The following PXN variants were observed in gnomAD, a reference collection of about 807,000 sequenced individuals.
PXN encodes the protein testicular tissue protein Li 134.
PXN carries 61 observed loss-of-function variants against 103.6 expected under a neutral mutation model. The observed-to-expected ratio is 0.59, with a 90% CI of 0.48 to 0.73. The LOEUF (loss-of-function observed/expected upper bound fraction) is 0.73, where lower values mean the gene tolerates loss of function less well. Ranked by LOEUF, PXN falls within the 30% of genes least tolerant of loss-of-function variation. The pLI is 0.00. For synonymous variants in PXN, 562 were observed against 607.8 expected (o/e 0.92, Z 1.11); for missense variants, 1,274 against 1,460.3 (o/e 0.87, Z 2.08).
Position 120,224,353 on chromosome 12 carries a change from G to T in PXN, c.38C>A (p.Ser13Tyr). 10 of 1,613,968 alleles carry T rather than the reference G, an allele frequency of 6.2e-6. No individual in the cohort carries two copies. The highest frequency in any genetic ancestry group is 7.6e-6 in the Non-Finnish European group (9 of 1,179,880). The change falls in exon 2 of 15, where the codon TCT becomes TAT. Residue 13 changes from serine to tyrosine, a missense_variant. This residue lies in a region of PXN where 1,178 missense variants were observed against 1,309.0 expected (regional missense o/e 0.90). Coordinates refer to ENST00000637617, the MANE Select transcript of PXN (RefSeq NM_001385981.1). This position sits in a 1 kb window ranked among gnomAD's most constrained non-coding sequence, Gnocchi z 5.0. ...CCGTTTGGAGATGTGGGAGGTGGTA[G>T]ACTCCAAGTCCGCCAGCAGGGCGTC... ...DLDALLADLE[S>Y]TTSHISKRPV...
In PXN at chr12:120,229,350, G is replaced by A. The variant is rs554696631; in HGVS notation, c.14-4973C>T. On this transcript the variant is annotated intron_variant, in intron 1 of 14. Transcript: ENST00000637617. This position sits in a 1 kb window ranked among gnomAD's most constrained non-coding sequence, Gnocchi z 4.0. ...CTTAGTGTGTGATAAAGACTATCAA[G>A]ACCAGAGGCCTGGAGCTGGACAGGT... is the stretch of plus-strand genomic sequence containing the variant. 1.1e-4 allele frequency among the ~76,000 whole-genome samples: 16 copies of A among 152,300 alleles called. No individual in the cohort carries two copies. In the South Asian group the frequency reaches 3.1e-3, roughly 30 times the overall value.
At position 120,216,501 on chromosome 12, in the gene PXN, C is replaced by T; in HGVS notation, c.2073G>A (p.Gln691=). Residue 691 remains glutamine (Q), a synonymous_variant, in exon 9 of 15, where the codon CAG becomes CAA. Transcript: ENST00000637617. This position sits in a 1 kb window ranked among gnomAD's most constrained non-coding sequence, Gnocchi z 5.1. ...TGCTGGCCGCGGCGTCTGTGCGATG[C>T]TGGAGCAAAGGGACAGAAGGAGAAG... ...VLASPSVPLL[Q]HRTDAAASSS... is the part of the protein sequence containing the mutation. The T allele has an allele frequency of 7.2e-7, 1 of 1,394,986 alleles. No homozygotes were observed. 86.4% of individuals were successfully genotyped at this position (1,394,986 alleles called of 1,614,324 possible). A position where few individuals can be genotyped will look rare whatever the true frequency, so the allele number is the denominator to read the frequency against.
At chr12:120,226,587 C>G in intron 1 of PXN, 1 of 1,194,550 alleles carries the variant, frequency 8.4e-7, no homozygotes, top group Admixed American at 3.4e-5. Context: ...GATTCTAAGC[C>G]TGGGCTTTTG....
chr12:120,257,013 G>A (rs1489812703), intron 1 of PXN, among the ~76,000 whole-genome samples: 5 of 152,154 alleles, frequency 3.3e-5, no homozygotes, highest in African/African-American at 4.8e-5. Context: ...GAGCCACCGC[G>A]CCTGGCCTCA....
rs899401819 is a variant in PXN, at chr12:120,211,795, A to G, written c.*519T>C. On this transcript the variant is annotated 3_prime_UTR_variant, in exon 15 of 15. Coordinates refer to ENST00000637617, the MANE Select transcript of PXN (RefSeq NM_001385981.1). ...GTAGGAGGAGCACAGAGAACCTTCC[A>G]TGGCCCCTTTGGTTCTCTGCCTTTG... The G allele has an allele frequency of 1.2e-5, 5 of 413,760 alleles. No individual in the cohort carries two copies. Among genetic ancestry groups the G allele is most frequent in the African/African-American group, 2.0e-5 (1 of 48,788 alleles). The allele number at this position is 413,760 out of a possible 1,614,324, so 25.6% of individuals were successfully genotyped here.
rs1885653347 is a variant in PXN, at chr12:120,222,979, G to A, written c.377C>T (p.Ser126Leu). ...CATTACGGTGGGTGAAGGCTCAGCT[G>A]ATTTCTGCTTGTTGGGGAAGCTTTG... ...HVYSFPNKQK[S>L]AEPSPTVMST... is the part of the protein sequence containing the mutation. The change falls in exon 4 of 15, where the codon TCA becomes TTA. Residue 126 changes from serine to leucine, a missense_variant. Ser to Leu is a moderately radical substitution (Grantham distance 145). This residue lies in a region of PXN where 1,178 missense variants were observed against 1,309.0 expected (regional missense o/e 0.90). Coordinates refer to ENST00000637617, the MANE Select transcript of PXN (RefSeq NM_001385981.1). This position sits in a 1 kb window ranked among gnomAD's most constrained non-coding sequence, Gnocchi z 4.7. The A allele has an allele frequency of 6.2e-7, 1 of 1,613,958 alleles. No individual in the cohort carries two copies.
At chr12:120,257,957 C>A (rs1151833) in intron 1 of PXN, among the ~76,000 whole-genome samples, 5,769 of 152,198 alleles carry the variant, frequency 0.038, 296 homozygotes, top group African/African-American at 0.11. Context: ...CTTTGGGAGG[C>A]CAAGGCGGGC....
Position 120,215,978 on chromosome 12 carries a change from C to T in PXN, c.2301+295G>A. 1.5e-6 allele frequency: 2 copies of T among 1,376,608 alleles called. No individual in the cohort carries two copies. Among genetic ancestry groups the T allele is most frequent in the Non-Finnish European group, 1.9e-6 (2 of 1,065,710 alleles). The allele number at this position is 1,376,608 out of a possible 1,614,324, so 85.3% of individuals were successfully genotyped here. On this transcript the variant is annotated intron_variant, in intron 9 of 14. Coordinates refer to ENST00000637617, the MANE Select transcript of PXN (RefSeq NM_001385981.1). This position sits in a 1 kb window ranked among gnomAD's most constrained non-coding sequence, Gnocchi z 4.9. ...AAGGGAGGAGACAGGTTTCTGGTCT[C>T]CCTTCTGGAGTGGCTTCTTTCCTCG...
chr12:120,236,042 TC>T (rs1285892549), intron 1 of PXN, among the ~76,000 whole-genome samples: 1 of 152,194 alleles, frequency 6.6e-6, no homozygotes, highest in East Asian at 1.9e-4. Context: ...GCATAGCTGT[TC>T]CCTTCAATGG....
At position 120,225,036 on chromosome 12, in the gene PXN, G is replaced by A. The variant is rs59603005; in HGVS notation, c.14-659C>T. 2,053 of 259,200 alleles carry A rather than the reference G, an allele frequency of 7.9e-3. 37 individuals carry two copies. The highest frequency in any genetic ancestry group is 0.043 in the African/African-American group (1,927 of 45,250). 16.1% of individuals were successfully genotyped at this position (259,200 alleles called of 1,614,324 possible). ...AGACTGCTCCATTGGCTGTTTCTGCGGAAGTCTGGCAAGCAGCCCGGCCCC... is the reference window on the plus strand; with the variant it reads ...AGACTGCTCCATTGGCTGTTTCTGCAGAAGTCTGGCAAGCAGCCCGGCCCC... On this transcript the variant is annotated intron_variant, in intron 1 of 14. Coordinates refer to ENST00000637617, the MANE Select transcript of PXN (RefSeq NM_001385981.1). This position sits in a 1 kb window ranked among gnomAD's most constrained non-coding sequence, Gnocchi z 4.4.
rs1292053961 is a variant in PXN, at chr12:120,214,161, CTG to C, written c.2803_2804del (p.Gln935ValfsTer53). ...CTTCGGGACCAAAGAAGGCTCCACA[CTG>C]TGCACAGAAGAAGTGTTCAGGGTGC... ...TWHPEHFFCA[Q>X]CGAFFGPEGF... On this transcript the variant is annotated frameshift_variant, in exon 13 of 15. Transcript: ENST00000637617. LOFTEE classifies it high-confidence loss of function. This position sits in a 1 kb window ranked among gnomAD's most constrained non-coding sequence, Gnocchi z 5.0. The C allele has an allele frequency of 1.9e-6, 3 of 1,552,352 alleles. No homozygotes were observed. The highest frequency in any genetic ancestry group is 1.4e-5 in the African/African-American group (1 of 73,080).
chr12:120,213,864 T>C lies in PXN; in HGVS notation c.2957A>G (p.His986Arg). The C allele has an allele frequency of 6.2e-7, 1 of 1,611,500 alleles. No homozygotes were observed. The highest frequency in any genetic ancestry group is 8.5e-7 in the Non-Finnish European group (1 of 1,178,858). The change falls in exon 14 of 15, where the codon CAT becomes CGT. Residue 986 changes from histidine to arginine, a missense_variant. By Grantham distance (29) the His-to-Arg change is conservative (BLOSUM62 0). Coordinates refer to ENST00000637617, the MANE Select transcript of PXN (RefSeq NM_001385981.1). The surrounding 1 kb of genome is among the most constrained non-coding windows in gnomAD (Gnocchi z 4.2). ...NYISALNTLWHPECFVCRECF... is the reference protein window; with the variant it reads ...NYISALNTLWRPECFVCRECF... ...TACCCGGCACACAAAGCACTCAGGATGCCACAGCGTGTTGAGGGCTGAGAT... is the reference window on the plus strand; with the variant it reads ...TACCCGGCACACAAAGCACTCAGGACGCCACAGCGTGTTGAGGGCTGAGAT...
chr12:120,238,072 T>G (rs1204720149), intron 1 of PXN, among the ~76,000 whole-genome samples: 2 of 152,110 alleles, frequency 1.3e-5, no homozygotes, highest in Non-Finnish European at 2.9e-5. Flanking sequence ...CATGGGGAAA[T>G]CTGCCTCTTC....
rs1886641760 is a variant in PXN, at chr12:120,225,528, G to T, written c.14-1151C>A. 1 of 152,448 alleles carries T rather than the reference G, an allele frequency of 6.6e-6. No individual in the cohort carries two copies. Among genetic ancestry groups the T allele is most frequent in the Non-Finnish European group, 1.5e-5 (1 of 68,240 alleles). 9.4% of individuals were successfully genotyped at this position (152,448 alleles called of 1,614,324 possible). ...CCTAATACCCCCTGTAGCTGGAAAT[G>T]ATTCTCCCCGAAGCGATGAGGAAAG... On this transcript the variant is annotated intron_variant, in intron 1 of 14. Coordinates refer to ENST00000637617, the MANE Select transcript of PXN (RefSeq NM_001385981.1). The surrounding 1 kb of genome is among the most constrained non-coding windows in gnomAD (Gnocchi z 4.4).
Position 120,222,977 on chromosome 12 carries a change from C to T in PXN, c.379G>A (p.Ala127Thr), listed in dbSNP as rs78768932. The change falls in exon 4 of 15, where the codon GCT (alanine) becomes ACT (threonine). Residue 127 changes from alanine to threonine, a missense_variant. Transcript: ENST00000637617. This position sits in a 1 kb window ranked among gnomAD's most constrained non-coding sequence, Gnocchi z 4.7. ...CTCATTACGGTGGGTGAAGGCTCAG[C>T]TGATTTCTGCTTGTTGGGGAAGCTT... The part of the protein sequence containing the change: ...VYSFPNKQKS[A>T]EPSPTVMSTS... The T allele has an allele frequency of 5.9e-3, 9,568 of 1,613,916 alleles. 36 individuals carry two copies. The highest frequency in any genetic ancestry group is 6.7e-3 in the Non-Finnish European group (7,891 of 1,179,886).
intron 1 of PXN, among the ~76,000 whole-genome samples, chr12:120,258,266 G>A (rs974434990): frequency 2.0e-5 from 3 of 151,614 alleles, no homozygotes; most frequent in Non-Finnish European, 4.4e-5. Context: ...ACCAGAGTTC[G>A]GCATCTCACA....
chr12:120,251,934 C>CTGAGA (rs1256034719), intron 1 of PXN, among the ~76,000 whole-genome samples: 1 of 152,236 alleles, frequency 6.6e-6, no homozygotes, highest in Non-Finnish European at 1.5e-5. Flanking sequence ...TCACCAGTTA[C>CTGAGA]TGAGCACTTT....
Position 120,216,441 on chromosome 12 carries a change from G to C in PXN, c.2133C>G (p.Ser711=). The C allele has an allele frequency of 7.3e-7, 1 of 1,378,920 alleles. No homozygotes were observed. The highest frequency in any genetic ancestry group is 9.3e-7 in the Non-Finnish European group (1 of 1,075,760). 85.4% of individuals were successfully genotyped at this position (1,378,920 alleles called of 1,614,324 possible). Reference sequence around the variant, plus strand: ...AGGTATAAGCTGAGGGCCCCAGGGGGGAGGAGGCGAGCAGGCTGGGCAGGG... The same window carrying C: ...AGGTATAAGCTGAGGGCCCCAGGGGCGAGGAGGCGAGCAGGCTGGGCAGGG... ...SSPLPSLLAS[S]PLGPSAYTCG... The change falls in exon 9 of 15, where the codon TCC becomes TCG. Residue 711 remains serine (S), a synonymous_variant. Coordinates refer to ENST00000637617, the MANE Select transcript of PXN (RefSeq NM_001385981.1). This position sits in a 1 kb window ranked among gnomAD's most constrained non-coding sequence, Gnocchi z 5.1.
In PXN at chr12:120,212,131, T is replaced by C. The variant is rs1880361804; in HGVS notation, c.*183A>G. On this transcript the variant is annotated 3_prime_UTR_variant, in exon 15 of 15. Transcript: ENST00000637617. This position sits in a 1 kb window ranked among gnomAD's most constrained non-coding sequence, Gnocchi z 7.2. Reference sequence around the variant, plus strand: ...AGGAGGGAGGAGGGGGCCCAGAGGCTCTGGCAGGGGTGAAGACAAGCAGGG... The same window carrying C: ...AGGAGGGAGGAGGGGGCCCAGAGGCCCTGGCAGGGGTGAAGACAAGCAGGG... 1.1e-6 allele frequency: 1 copy of C among 912,536 alleles called. No individual in the cohort carries two copies. The highest frequency in any genetic ancestry group is 1.4e-5 in the South Asian group (1 of 73,548). The allele number at this position is 912,536 out of a possible 1,614,324, so 56.5% of individuals were successfully genotyped here. A position where few individuals can be genotyped will look rare whatever the true frequency, so the allele number is the denominator to read the frequency against.
Sources: gnomAD v4.1 joint callset for allele counts (sites outside exome capture counted in the v4.1 genomes callset) on GRCh38, gnomAD v4.1.1 for gene constraint, gnomAD v4.1.1 regional missense constraint, Gnocchi (gnomAD v3.1) non-coding constraint, MANE v1.5 for transcripts, NCBI Gene and HGNC (gene_info 2026-07-23, HGNC 2026-07-21) for gene names.